ASB1: variants seen among roughly 807,000 people sequenced by gnomAD.
ASB1 encodes the protein ankyrin repeat and SOCS box protein 1.
A neutral mutation model predicts 27.7 loss-of-function variants in ASB1; 18 were observed. The observed-to-expected ratio is 0.65, with a 90% confidence interval of 0.45 to 0.96. The LOEUF (loss-of-function observed/expected upper bound fraction) is 0.96. Among genes scored for constraint, ASB1 ranks in the 50% least tolerant of loss-of-function variants. The pLI is 0.00. For missense variants in ASB1, 397 were observed against 451.7 expected (o/e 0.88, Z 1.10); for synonymous variants, 189 against 187.6 (o/e 1.01, Z -0.06).
At chr2:238,437,336 G>T (rs1215978585) in intron 3 of ASB1, among the ~76,000 whole-genome samples, 4 of 152,020 alleles carry the variant, frequency 2.6e-5, no homozygotes, top group Non-Finnish European at 5.9e-5. Flanking sequence ...GGTTCAAGCA[G>T]TTCTCCTTCC....
At position 238,427,083 on chromosome 2, in the gene ASB1, G is replaced by A. The variant is rs935853093; in HGVS notation, c.13G>A (p.Gly5Ser). The A allele has an allele frequency of 2.4e-6, 3 of 1,263,382 alleles. No individual in the cohort carries two copies. The highest frequency in any genetic ancestry group is 8.3e-5 in the Admixed American group (2 of 24,226). The allele number at this position is 1,263,382 out of a possible 1,614,324, so 78.3% of individuals were successfully genotyped here. A position where few individuals can be genotyped will look rare whatever the true frequency, so the allele number is the denominator to read the frequency against. Reference protein sequence around the residue: MAEGGSPDGRAGPGS... With the variant: MAEGSSPDGRAGPGS... ...GGCGGAAGCATCCATGGCGGAGGGCGGCAGCCCAGACGGGCGGGCAGGGCC... is the reference window on the plus strand; with the variant it reads ...GGCGGAAGCATCCATGGCGGAGGGCAGCAGCCCAGACGGGCGGGCAGGGCC... The change falls in exon 1 of 5, where the codon GGC becomes AGC. Residue 5 changes from glycine (G) to serine (S), a missense_variant. By Grantham distance (56) the Gly-to-Ser change is moderately conservative. Coordinates refer to ENST00000264607, the MANE Select transcript of ASB1 (RefSeq NM_001040445.3).
At chr2:238,430,880 T>A (rs1383090742) in intron 1 of ASB1, among the ~76,000 whole-genome samples, 5 of 152,226 alleles carry the variant, frequency 3.3e-5, no homozygotes, top group African/African-American at 1.2e-4. Flanking sequence ...AGTCTCAACA[T>A]TGGGCTGAAA....
At position 238,444,384 on chromosome 2, in the gene ASB1, T is replaced by C; in HGVS notation, c.537T>C (p.Asp179=). The C allele has an allele frequency of 1.2e-6, 2 of 1,613,088 alleles. No individual in the cohort carries two copies. The highest frequency in any genetic ancestry group is 2.7e-5 in the African/African-American group (2 of 75,030). Reference sequence around the variant, plus strand: ...ACGTCAACCACCACCTGACTCCTGATGTCCAGCCTCGATTCTCCCGGCGGC... The same window carrying C: ...ACGTCAACCACCACCTGACTCCTGACGTCCAGCCTCGATTCTCCCGGCGGC... The part of the protein sequence containing the change: ...DVDVNHHLTP[D]VQPRFSRRLT... The change falls in exon 4 of 5, where the codon GAT becomes GAC. Residue 179 remains aspartate (D), a synonymous_variant. Coordinates refer to ENST00000264607, the MANE Select transcript of ASB1 (RefSeq NM_001040445.3).
At chr2:238,438,477 G>T (rs1020639255) in intron 3 of ASB1, among the ~76,000 whole-genome samples, 1 of 152,096 alleles carries the variant, frequency 6.6e-6, no homozygotes, top group African/African-American at 2.4e-5. Flanking sequence ...TGGGATTACG[G>T]GCGTGAGCCA....
At chr2:238,437,458 C>T (rs866974478) in intron 3 of ASB1, among the ~76,000 whole-genome samples, 121 of 152,176 alleles carry the variant, frequency 8.0e-4, no homozygotes, top group African/African-American at 2.8e-3. Flanking sequence ...TCTCGATCTT[C>T]TGACCTCGTG....
At chr2:238,445,201 A>T (rs1181591987) in intron 4 of ASB1, among the ~76,000 whole-genome samples, 1 of 148,628 alleles carries the variant, frequency 6.7e-6, no homozygotes, top group Non-Finnish European at 1.5e-5. Flanking sequence ...CTTGTGTTGA[A>T]CTCCTGGGCT....
At chr2:238,438,327 G>A (rs1368894745) in intron 3 of ASB1, among the ~76,000 whole-genome samples, 1 of 149,354 alleles carries the variant, frequency 6.7e-6, no homozygotes, top group Non-Finnish European at 1.5e-5. Context: ...AGCCTCCCAA[G>A]TAGCTGGGAC....
At position 238,444,746 on chromosome 2, in the gene ASB1, G is replaced by A; in HGVS notation, c.880+19G>A. 2 of 1,578,416 alleles carry A rather than the reference G, an allele frequency of 1.3e-6. No individual in the cohort carries two copies. The highest frequency in any genetic ancestry group is 1.7e-6 in the Non-Finnish European group (2 of 1,161,536). ...GCCAGAAGTAAGTGGCTTGAGTTCA[G>A]CTCTGACTTGTGGGCTGGGTTGATT... On this transcript the variant is annotated intron_variant, in intron 4 of 4. Transcript: ENST00000264607.
rs371947128 is a variant in ASB1, at chr2:238,446,453, A to G, written c.950A>G (p.His317Arg). 7 of 1,614,130 alleles carry G rather than the reference A, an allele frequency of 4.3e-6. No individual in the cohort carries two copies. Among genetic ancestry groups the G allele is most frequent in the Non-Finnish European group, 5.1e-6 (6 of 1,179,998 alleles). The change falls in exon 5 of 5, where the codon CAT (histidine) becomes CGT (arginine). Residue 317 changes from histidine to arginine, a missense_variant. Transcript: ENST00000264607. ...AGAGCTCTTGGCAAACACCGGCTTCATCTGATTCCTTCGCTGCCTCTGCCA... is the reference window on the plus strand; with the variant it reads ...AGAGCTCTTGGCAAACACCGGCTTCGTCTGATTCCTTCGCTGCCTCTGCCA... ...VRRALGKHRL[H>R]LIPSLPLPDP...
At position 238,444,466 on chromosome 2, in the gene ASB1, T is replaced by G; in HGVS notation, c.619T>G (p.Cys207Gly). 6.2e-7 allele frequency: 1 copy of G among 1,614,212 alleles called. No homozygotes were observed. Among genetic ancestry groups the G allele is most frequent in the South Asian group, 1.1e-5 (1 of 91,090 alleles). Residue 207 changes from cysteine (C) to glycine (G), a missense_variant, in exon 4 of 5, where the codon TGC (cysteine) becomes GGC (glycine). Physicochemically the swap from Cys to Gly is radical, Grantham distance 159. Transcript: ENST00000264607. ...YISAAYHNLQCFRLLLLAGAN... is the reference protein window; with the variant it reads ...YISAAYHNLQGFRLLLLAGAN... ...CAGCGCAGCCTACCACAACCTCCAGTGCTTCCGGCTGCTCCTCCTGGCTGG... is the reference window on the plus strand; with the variant it reads ...CAGCGCAGCCTACCACAACCTCCAGGGCTTCCGGCTGCTCCTCCTGGCTGG...
chr2:238,444,721 G>T lies in ASB1; in HGVS notation c.874G>T (p.Ala292Ser). Residue 292 changes from alanine (A) to serine (S), a missense_variant, in exon 4 of 5, where the codon GCC becomes TCC. Ala to Ser is a moderately conservative substitution (Grantham distance 99). Transcript: ENST00000264607. ...TGAGGCCTTGCAGGTCTTTAAAGAG[G>T]CCAGAAGTAAGTGGCTTGAGTTCAG... ...DPEALQVFKE[A>S]RSVPRTLLCL... The T allele has an allele frequency of 6.2e-7, 1 of 1,606,494 alleles. No homozygotes were observed. Among genetic ancestry groups the T allele is most frequent in the Non-Finnish European group, 8.5e-7 (1 of 1,175,636 alleles).
Position 238,427,084 on chromosome 2 carries a change from G to A in ASB1, c.14G>A (p.Gly5Asp). ...GCGGAAGCATCCATGGCGGAGGGCGGCAGCCCAGACGGGCGGGCAGGGCCG... is the reference window on the plus strand; with the variant it reads ...GCGGAAGCATCCATGGCGGAGGGCGACAGCCCAGACGGGCGGGCAGGGCCG... MAEG[G>D]SPDGRAGPGS... The change falls in exon 1 of 5, where the codon GGC becomes GAC. Residue 5 changes from glycine to aspartate, a missense_variant. Transcript: ENST00000264607. The A allele has an allele frequency of 1.6e-6, 2 of 1,263,462 alleles. No homozygotes were observed. Among genetic ancestry groups the A allele is most frequent in the South Asian group, 5.8e-5 (2 of 34,678 alleles). The allele number at this position is 1,263,462 out of a possible 1,614,324, so 78.3% of individuals were successfully genotyped here.
At chr2:238,445,770 T>G (rs1272088789) in intron 4 of ASB1, among the ~76,000 whole-genome samples, 3 of 152,248 alleles carry the variant, frequency 2.0e-5, no homozygotes, top group Admixed American at 6.5e-5. Flanking sequence ...CTAAACCAGT[T>G]CATTAAAGCA....
intron 1 of ASB1, 126 bp downstream of exon 1, chr2:238,427,245 C>G (rs1220294765): frequency 1.5e-6 from 1 of 680,070 alleles, no homozygotes; most frequent in African/African-American, 1.9e-5. Flanking sequence ...GCCAGGGAGC[C>G]GCACCCTGCA....
intron 3 of ASB1, 53 bp downstream of exon 3, chr2:238,436,066 T>G: frequency 2.0e-6 from 3 of 1,470,242 alleles, no homozygotes; most frequent in Non-Finnish European, 1.8e-6. Flanking sequence ...TTTTCTTCTC[T>G]GTATTTTGCA....
chr2:238,442,099 T>G (rs538496059), intron 3 of ASB1, among the ~76,000 whole-genome samples: 27 of 152,236 alleles, frequency 1.8e-4, no homozygotes, highest in African/African-American at 5.8e-4. Context: ...TAAGAGCCAT[T>G]TGTAGCTGTC....
chr2:238,444,203 T>C, intron 3 of ASB1, 139 bp from the exon 4 acceptor site: 1 of 822,804 alleles, frequency 1.2e-6, no homozygotes, highest in Non-Finnish European at 1.9e-6. Flanking sequence ...CTATCTGATC[T>C]GTGGAGTCTC....
chr2:238,432,023 C>T (rs909075116), intron 1 of ASB1, among the ~76,000 whole-genome samples: 14 of 152,152 alleles, frequency 9.2e-5, no homozygotes, highest in Non-Finnish European at 1.8e-4. Context: ...CACAAACCTT[C>T]AGTTTGTAAA....
At chr2:238,431,376 G>A (rs1489976114) in intron 1 of ASB1, among the ~76,000 whole-genome samples, 3 of 152,242 alleles carry the variant, frequency 2.0e-5, no homozygotes, top group African/African-American at 7.2e-5. Context: ...CCTTGCTCTG[G>A]ATTAGGCTTT....
Sources: allele counts gnomAD v4.1 joint callset (sites outside exome capture counted in the v4.1 genomes callset), GRCh38; gene constraint gnomAD v4.1.1; transcripts MANE v1.5; gene names NCBI Gene and HGNC (gene_info 2026-07-23, HGNC 2026-07-21).